Variants in GPR158 observed in about 807,000 individuals in gnomAD.
GPR158 encodes metabotropic glycine receptor.
In GPR158, 30 loss-of-function variants were observed where a neutral mutation model predicts 78.2. That is an observed-to-expected ratio of 0.38 (90% CI 0.29 to 0.52). The LOEUF is 0.52. GPR158 is among the 20% of genes least tolerant of loss of function. The pLI, the probability that GPR158 is intolerant of heterozygous loss-of-function variation, is 0.83. For missense variants in GPR158, 1,463 were observed against 1,523.5 expected, an observed-to-expected ratio of 0.96 and a Z score of 0.66; for synonymous variants, 581 against 591.1, an observed-to-expected ratio of 0.98 and a Z score of 0.25.
chr10:25,185,344 A>G (rs1287885743), intron 1 of GPR158, among the ~76,000 whole-genome samples: 5 of 152,210 alleles, frequency 3.3e-5, no homozygotes, highest in African/African-American at 1.2e-4. Context: ...ATAGAACCTG[A>G]CACAAGTGAG....
At chr10:25,575,208 G>A (rs1188668356) in intron 7 of GPR158, among the ~76,000 whole-genome samples, 1 of 152,158 alleles carries the variant, frequency 6.6e-6, no homozygotes, top group Non-Finnish European at 1.5e-5. Context: ...AGTTTATTAA[G>A]TATACTGTTA....
intron 2 of GPR158, among the ~76,000 whole-genome samples, chr10:25,322,359 T>G (rs111501012): frequency 1.3e-5 from 2 of 149,902 alleles, no homozygotes; most frequent in African/African-American, 5.0e-5. Flanking sequence ...CCAGCCTGGG[T>G]GACAGAGCGA....
At chr10:25,545,906 A>C (rs1836655954) in intron 5 of GPR158, among the ~76,000 whole-genome samples, 1 of 152,164 alleles carries the variant, frequency 6.6e-6, no homozygotes, top group Non-Finnish European at 1.5e-5. Flanking sequence ...GCGCCTTTAT[A>C]AACTAGGTAG....
At chr10:25,377,895 G>A (rs1252520112) in intron 2 of GPR158, among the ~76,000 whole-genome samples, 2 of 152,042 alleles carry the variant, frequency 1.3e-5, no homozygotes, top group Admixed American at 6.6e-5. Flanking sequence ...TATATATGTA[G>A]GAGGGGAATC....
intron 2 of GPR158, among the ~76,000 whole-genome samples, chr10:25,253,096 C>G (rs1853835167): frequency 1.3e-5 from 2 of 152,178 alleles, no homozygotes; most frequent in Admixed American, 6.5e-5. Context: ...TCCGTCACCC[C>G]TTTCTTTGAC....
intron 2 of GPR158, chr10:25,243,914 C>T (rs1350405163): frequency 6.6e-6 from 1 of 152,048 alleles, no homozygotes; most frequent in Non-Finnish European, 1.5e-5. Context: ...GAAGACATAA[C>T]AATTATGTAT....
intron 2 of GPR158, among the ~76,000 whole-genome samples, chr10:25,278,090 T>C (rs1270696471): frequency 6.6e-6 from 1 of 152,106 alleles, no homozygotes; most frequent in Non-Finnish European, 1.5e-5. Flanking sequence ...TGAAAAATAA[T>C]GACCATGTTG....
chr10:25,533,026 T>A (rs1307862876), intron 5 of GPR158, among the ~76,000 whole-genome samples: 1 of 152,244 alleles, frequency 6.6e-6, no homozygotes, highest in African/African-American at 2.4e-5. Flanking sequence ...TAACTTTAAT[T>A]ACCATAGTGA....
intron 2 of GPR158, among the ~76,000 whole-genome samples, chr10:25,329,315 C>A (rs1475589240): frequency 1.3e-5 from 2 of 151,938 alleles, no homozygotes; most frequent in African/African-American, 4.8e-5. Context: ...TGGCGGGCAC[C>A]TGTAGTCCCA....
At chr10:25,256,302 C>T (rs1005780507) in intron 2 of GPR158, among the ~76,000 whole-genome samples, 5 of 152,114 alleles carry the variant, frequency 3.3e-5, no homozygotes, top group Admixed American at 6.5e-5. Context: ...TTTCCAAGAA[C>T]GTGCAATTCA....
chr10:25,418,466 A>G (rs1308269286), intron 4 of GPR158, among the ~76,000 whole-genome samples: 2 of 152,152 alleles, frequency 1.3e-5, no homozygotes, highest in Non-Finnish European at 2.9e-5. Context: ...GCCTTTGGTT[A>G]AAGATGAAAT....
intron 3 of GPR158, among the ~76,000 whole-genome samples, chr10:25,400,510 C>T (rs1420148217): frequency 2.6e-5 from 4 of 152,116 alleles, no homozygotes; most frequent in Non-Finnish European, 5.9e-5. Flanking sequence ...TGCTGGCAGC[C>T]CAGAGACCTT....
chr10:25,583,164 C>T (rs1383203021), intron 7 of GPR158, among the ~76,000 whole-genome samples: 1 of 152,138 alleles, frequency 6.6e-6, no homozygotes, highest in Non-Finnish European at 1.5e-5. Flanking sequence ...AAAGGGAACA[C>T]ATACCCAGCC....
At chr10:25,423,157 G>A (rs1276978527) in intron 4 of GPR158, among the ~76,000 whole-genome samples, 4 of 142,432 alleles carry the variant, frequency 2.8e-5, no homozygotes, top group African/African-American at 1.2e-4. Flanking sequence ...ATATGTATAT[G>A]TATATATGTG....
intron 7 of GPR158, among the ~76,000 whole-genome samples, chr10:25,586,809 C>T (rs973352339): frequency 1.3e-5 from 2 of 152,126 alleles, no homozygotes; most frequent in Non-Finnish European, 2.9e-5. Context: ...AATGGAGTTT[C>T]AGAAAAATGA....
intron 2 of GPR158, among the ~76,000 whole-genome samples, chr10:25,267,600 A>G (rs1014239063): frequency 6.6e-6 from 1 of 152,108 alleles, no homozygotes; most frequent in South Asian, 2.1e-4. Flanking sequence ...TGTTATTTTT[A>G]TGGAATTATT....
At chr10:25,351,183 A>G (rs1855465465) in intron 2 of GPR158, among the ~76,000 whole-genome samples, 1 of 151,960 alleles carries the variant, frequency 6.6e-6, no homozygotes, top group African/African-American at 2.4e-5. Context: ...ACCTAGATAT[A>G]CCTGAGAAGG....
chr10:25,241,308 TCTTTTCTCTTCTCTTCTCTTCTCTTC>T (rs1853617701), intron 2 of GPR158, among the ~76,000 whole-genome samples: 1 of 139,534 alleles, frequency 7.2e-6, no homozygotes, highest in African/African-American at 3.0e-5. Context: ...TCTTTTCTTT[TCTTTTCTCTTCTCTTCTCTTCTCTTC>T]TCTTTTCTCT....
At chr10:25,438,853 A>G (rs796361328) in intron 4 of GPR158, among the ~76,000 whole-genome samples, 17 of 152,362 alleles carry the variant, frequency 1.1e-4, no homozygotes, top group African/African-American at 3.4e-4. Context: ...AGAGATTAGC[A>G]AACTATGGCT....
Sources: gnomAD v4.1 joint callset for allele counts (sites outside exome capture counted in the v4.1 genomes callset) on GRCh38, gnomAD v4.1.1 for gene constraint, MANE v1.5 for transcripts, NCBI Gene and HGNC (gene_info 2026-07-23, HGNC 2026-07-21) for gene names.